CLEC16A: variants seen among roughly 807,000 people sequenced by gnomAD.
CLEC16A encodes C-type lectin domain containing 16A, also known as protein CLEC16A.
CLEC16A carries 51 observed loss-of-function variants against 109.5 expected under a neutral mutation model. That is an observed-to-expected ratio of 0.47 (90% CI 0.37 to 0.59). The LOEUF is 0.59. Among genes scored for constraint, CLEC16A ranks in the 20% least tolerant of loss-of-function variants. The pLI is 0.00. For synonymous variants in CLEC16A, 673 were observed against 564.2 expected (o/e 1.19, Z -2.73); for missense variants, 1,339 against 1,394.0 (o/e 0.96, Z 0.63).
intron 16 of CLEC16A, among the ~76,000 whole-genome samples, chr16:11,044,842 C>G (rs919356242): frequency 6.7e-6 from 1 of 150,328 alleles, no homozygotes; most frequent in Non-Finnish European, 1.5e-5. Flanking sequence ...AAGAGAATCA[C>G]TTGAACTCAG....
Position 11,051,531 on chromosome 16 carries a change from G to A in CLEC16A, c.1885G>A (p.Glu629Lys). 6.2e-7 allele frequency: 1 copy of A among 1,613,886 alleles called. No homozygotes were observed. The highest frequency in any genetic ancestry group is 8.5e-7 in the Non-Finnish European group (1 of 1,179,788). Reference sequence around the variant, plus strand: ...CTTCTAGATGAAGCCCATGAACGTGGAATATCTCATGATGGACGCCTCCAT... The same window carrying A: ...CTTCTAGATGAAGCCCATGAACGTGAAATATCTCATGATGGACGCCTCCAT... The part of the protein sequence containing the change: ...RSMTMKPMNV[E>K]YLMMDASILL... Residue 629 changes from glutamate (E) to lysine (K), a missense_variant, in exon 18 of 24, where the codon GAA becomes AAA. By Grantham distance (56) the Glu-to-Lys change is moderately conservative. Coordinates refer to ENST00000409790, the MANE Select transcript of CLEC16A (RefSeq NM_015226.3).
chr16:11,014,309 G>A (rs1033366195), intron 11 of CLEC16A, among the ~76,000 whole-genome samples: 2 of 152,156 alleles, frequency 1.3e-5, no homozygotes, highest in Non-Finnish European at 2.9e-5. Context: ...CAGCTGTGCT[G>A]TGTGTATGTA....
intron 22 of CLEC16A, among the ~76,000 whole-genome samples, chr16:11,144,265 G>C (rs1381217506): frequency 6.6e-6 from 1 of 152,176 alleles, no homozygotes; most frequent in Non-Finnish European, 1.5e-5. Flanking sequence ...CTCTTGGGGC[G>C]TCCCTGCAGC....
intron 19 of CLEC16A, among the ~76,000 whole-genome samples, chr16:11,091,708 T>A (rs11863555): frequency 1.3e-5 from 2 of 152,180 alleles, no homozygotes; most frequent in Non-Finnish European, 2.9e-5. Context: ...TGAGGAAAAT[T>A]GTCAGGAAAG....
At chr16:11,150,895 A>G (rs2054267699) in intron 22 of CLEC16A, among the ~76,000 whole-genome samples, 1 of 152,052 alleles carries the variant, frequency 6.6e-6, no homozygotes, top group South Asian at 2.1e-4. Flanking sequence ...TAGAAGTATC[A>G]CCCCAGTCTT....
At chr16:11,176,668 G>A (rs1267545350) in intron 23 of CLEC16A, among the ~76,000 whole-genome samples, 1 of 152,168 alleles carries the variant, frequency 6.6e-6, no homozygotes, top group African/African-American at 2.4e-5. Flanking sequence ...AGTCCAGAAG[G>A]TTGAGGCTGC....
intron 3 of CLEC16A, among the ~76,000 whole-genome samples, chr16:10,966,473 A>G (rs753539547): frequency 1.3e-5 from 2 of 152,154 alleles, no homozygotes; most frequent in Non-Finnish European, 2.9e-5. Context: ...TGGGATCTGG[A>G]TGGTGCTTAC....
chr16:10,992,766 C>A (rs1259583197), intron 10 of CLEC16A, among the ~76,000 whole-genome samples: 1 of 152,008 alleles, frequency 6.6e-6, no homozygotes, highest in African/African-American at 2.4e-5. Context: ...GACATCTGTC[C>A]CTTCCCTGAT....
chr16:11,070,060 T>A (rs2048980448), intron 19 of CLEC16A, among the ~76,000 whole-genome samples: 1 of 138,800 alleles, frequency 7.2e-6, no homozygotes, highest in African/African-American at 2.9e-5. Context: ...CAGCACCTTG[T>A]TTGAACTGCC....
chr16:11,075,366 C>T (rs923370289), intron 19 of CLEC16A, among the ~76,000 whole-genome samples: 11 of 146,810 alleles, frequency 7.5e-5, no homozygotes, highest in African/African-American at 2.8e-4. Flanking sequence ...AGCACTGTGA[C>T]CTTGGATATG....
intron 22 of CLEC16A, chr16:11,136,241 A>C (rs1289247584): frequency 1.3e-5 from 2 of 152,246 alleles, no homozygotes; most frequent in Non-Finnish European, 2.9e-5. Context: ...AACAGGGATG[A>C]TGCTCGACAA....
chr16:11,047,335 G>A lies in CLEC16A; in HGVS notation c.1859G>A (p.Ser620Asn). Residue 620 changes from serine (S) to asparagine (N), a missense_variant, in exon 17 of 24, where the codon AGC (serine) becomes AAC (asparagine). Physicochemically the swap from Ser to Asn is conservative, Grantham distance 46 (BLOSUM62 1). Transcript: ENST00000409790. ...FLDMFEDEYR[S>N]MTMKPMNVEY... is the part of the protein sequence containing the mutation. Reference sequence around the variant, plus strand: ...GACATGTTTGAAGATGAGTATAGGAGCATGACAGTAAGTGAGGGGCTGGGA... The same window carrying A: ...GACATGTTTGAAGATGAGTATAGGAACATGACAGTAAGTGAGGGGCTGGGA... The A allele has an allele frequency of 6.2e-7, 1 of 1,608,896 alleles. No individual in the cohort carries two copies. Among genetic ancestry groups the A allele is most frequent in the Non-Finnish European group, 8.5e-7 (1 of 1,177,742 alleles).
chr16:11,116,828 A>G (rs11639893), intron 19 of CLEC16A, among the ~76,000 whole-genome samples: 10,720 of 152,230 alleles, frequency 0.07, 391 homozygotes, highest in East Asian at 0.12. Context: ...AACAGAACCT[A>G]TTGGGGTGAT....
chr16:11,075,912 T>A (rs911839043), intron 19 of CLEC16A, among the ~76,000 whole-genome samples: 1 of 152,148 alleles, frequency 6.6e-6, no homozygotes, highest in Non-Finnish European at 1.5e-5. Context: ...CCACTACTCC[T>A]CTGTCAAGAA....
At chr16:11,177,058 G>A (rs1020366269) in intron 23 of CLEC16A, among the ~76,000 whole-genome samples, 4 of 152,172 alleles carry the variant, frequency 2.6e-5, no homozygotes, top group Non-Finnish European at 5.9e-5. Context: ...CGGGTCCCAG[G>A]CTGCTGTCAG....
At chr16:11,072,651 G>A (rs1402235350) in intron 19 of CLEC16A, among the ~76,000 whole-genome samples, 1 of 152,068 alleles carries the variant, frequency 6.6e-6, no homozygotes, top group Non-Finnish European at 1.5e-5. Flanking sequence ...CTGTAAAGTG[G>A]GTCTAATAGT....
intron 11 of CLEC16A, among the ~76,000 whole-genome samples, chr16:11,003,566 A>G (rs1374604922): frequency 1.3e-5 from 2 of 152,192 alleles, no homozygotes; most frequent in African/African-American, 4.8e-5. Context: ...CTCACCTATT[A>G]AAGGAGGGTA....
intron 7 of CLEC16A, among the ~76,000 whole-genome samples, chr16:10,976,635 T>C (rs2043043759): frequency 6.6e-6 from 1 of 152,188 alleles, no homozygotes; most frequent in Admixed American, 6.5e-5. Context: ...TTGGGGGTGG[T>C]GAAAGCATCC....
intron 22 of CLEC16A, among the ~76,000 whole-genome samples, chr16:11,155,354 C>T (rs950506284): frequency 5.3e-5 from 8 of 152,236 alleles, no homozygotes; most frequent in Non-Finnish European, 1.0e-4. Context: ...CCTGCTGTCA[C>T]ATGCCCAGAG....
Sources: gnomAD v4.1 joint callset for allele counts (sites outside exome capture counted in the v4.1 genomes callset) on GRCh38, gnomAD v4.1.1 for gene constraint, MANE v1.5 for transcripts, NCBI Gene and HGNC (gene_info 2026-07-23, HGNC 2026-07-21) for gene names.